The following DHCR7 variants were observed in gnomAD, a reference collection of about 807,000 sequenced individuals.
The protein encoded by DHCR7 is 7-dehydrocholesterol reductase, also known as 7-DHC reductase.
In DHCR7, 40 loss-of-function variants were observed where a neutral mutation model predicts 43.3. That is an observed-to-expected ratio of 0.92 (90% CI 0.72 to 1.20). The LOEUF (loss-of-function observed/expected upper bound fraction) is 1.20. Among genes scored for constraint, DHCR7 ranks in the 50% most tolerant of loss-of-function variants. DHCR7 has a pLI of 0.00. For missense variants in DHCR7, 608 were observed against 644.6 expected, an observed-to-expected ratio of 0.94 and a Z score of 0.62; for synonymous variants, 298 against 271.4, an observed-to-expected ratio of 1.10 and a Z score of -0.96.
At chr11:71,437,784 G>A (rs772623399) in intron 8 of DHCR7, 28 bp downstream of exon 8, 25 of 1,613,064 alleles carry the variant, frequency 1.5e-5, no homozygotes, top group South Asian at 1.1e-4. Flanking sequence ...CAAATGCCCC[G>A]CTGGGCCAGC....
At position 71,435,686 on chromosome 11, in the gene DHCR7, T is replaced by C. The variant is rs1322012743; in HGVS notation, c.1117A>G (p.Arg373Gly). The stretch of plus-strand genomic sequence containing the variant: ...GAGCACTCGATGACCTTGGGCTTCC[T>C]GCCCCAGATGAGGCAGCGCCCATCC... ...RTDGRCLIWGRKPKVIECSYT... is the reference protein window; with the variant it reads ...RTDGRCLIWGGKPKVIECSYT... Residue 373 changes from arginine (R) to glycine (G), a missense_variant, in exon 9 of 9, where the codon AGG becomes GGG. Transcript: ENST00000355527. The C allele has an allele frequency of 1.2e-6, 2 of 1,613,120 alleles. No homozygotes were observed.
chr11:71,442,382 C>G (rs367718693), intron 4 of DHCR7, 29 bp from the exon 5 acceptor site: 18 of 1,565,826 alleles, frequency 1.1e-5, no homozygotes, highest in Non-Finnish European at 1.6e-5. Context: ...CTGATCACCC[C>G]CCGCCTGGAG....
In DHCR7 at chr11:71,443,996, G is replaced by A. The variant is rs1386646132; in HGVS notation, c.318C>T (p.Phe106=). ...AAQLYTLWVT[F]QVLLYTSLPD... is the part of the protein sequence containing the mutation. The stretch of plus-strand genomic sequence containing the variant: ...CCCCAGGGCAGGGGCTGCTGACCTG[G>A]AAGGTGACCCACAAGGTATAGAGCT... The change falls in exon 4 of 9, where the codon TTC becomes TTT. Residue 106 remains phenylalanine, a synonymous_variant. Transcript: ENST00000355527. 2.3e-5 allele frequency: 37 copies of A among 1,610,758 alleles called. No homozygotes were observed. The highest frequency in any genetic ancestry group is 2.9e-5 in the Non-Finnish European group (34 of 1,178,370).
chr11:71,443,819 C>T (rs1591113117), intron 4 of DHCR7, 174 bp downstream of exon 4: 6 of 600,690 alleles, frequency 1.0e-5, no homozygotes, highest in South Asian at 4.0e-5. Context: ...TCCTGCCTTA[C>T]AGCTGAGGAT....
downstream of DHCR7, among the ~76,000 whole-genome samples, chr11:71,429,479 C>T (rs571468268): frequency 4.6e-5 from 7 of 152,220 alleles, no homozygotes; most frequent in South Asian, 2.1e-4. Context: ...CGGGGGCACC[C>T]GGTAGATGGA....
Position 71,435,291 on chromosome 11 carries a change from A to G in DHCR7, c.*84T>C. 2.1e-6 allele frequency: 3 copies of G among 1,428,036 alleles called. No homozygotes were observed. In the Admixed American group the frequency reaches 5.0e-5, roughly 24 times the overall value. 88.5% of individuals were successfully genotyped at this position (1,428,036 alleles called of 1,614,324 possible). On this transcript the variant is annotated 3_prime_UTR_variant, in exon 9 of 9. Transcript: ENST00000355527. ...CAGATGAGGAAACTGAGGCTCCTCG[A>G]GTTGGAGCTGGGATGCCAGCCCCCA... is the stretch of plus-strand genomic sequence containing the variant.
At chr11:71,444,416 T>C (rs894118578) in intron 3 of DHCR7, among the ~76,000 whole-genome samples, 2 of 152,162 alleles carry the variant, frequency 1.3e-5, no homozygotes, top group Non-Finnish European at 2.9e-5. Flanking sequence ...GATTAACTGG[T>C]GGCACTATCT....
chr11:71,444,093 T>C lies in DHCR7; in HGVS notation c.221A>G (p.Asp74Gly). The C allele has an allele frequency of 6.2e-7, 1 of 1,613,604 alleles. No homozygotes were observed. Among genetic ancestry groups the C allele is most frequent in the Non-Finnish European group, 8.5e-7 (1 of 1,179,832 alleles). Residue 74 changes from aspartate to glycine, a missense_variant, in exon 4 of 9, where the codon GAC becomes GGC. By Grantham distance (94) the Asp-to-Gly change is moderately conservative (BLOSUM62 -1). Transcript: ENST00000355527. ...GAGCCGAGCATGTCCGGTGACGATG[T>C]CCACCACAGGGCCAGTCAGGGCGCA... is the stretch of plus-strand genomic sequence containing the variant. Reference protein sequence around the residue: ...YSCALTGPVVDIVTGHARLSD... With the variant: ...YSCALTGPVVGIVTGHARLSD...
At chr11:71,443,269 A>G (rs531405133) in intron 4 of DHCR7, among the ~76,000 whole-genome samples, 28 of 152,298 alleles carry the variant, frequency 1.8e-4, no homozygotes, top group Admixed American at 1.7e-3. Context: ...TTTCACTCAA[A>G]GGGACCAAGA....
chr11:71,448,379 G>T lies in DHCR7; in HGVS notation c.-221C>A, dbSNP rs1401413099. Reference sequence around the variant, plus strand: ...CACGCCGCCTACCCTCTAGCCAGGGGTCGGAGTCACCCGCAGGGCAGGGGC... The same window carrying T: ...CACGCCGCCTACCCTCTAGCCAGGGTTCGGAGTCACCCGCAGGGCAGGGGC... On this transcript the variant is annotated 5_prime_UTR_variant, in exon 1 of 9. Coordinates refer to ENST00000355527, the MANE Select transcript of DHCR7 (RefSeq NM_001360.3). 2 of 152,632 alleles carry T rather than the reference G, an allele frequency of 1.3e-5. No individual in the cohort carries two copies. Among genetic ancestry groups the T allele is most frequent in the South Asian group, 2.0e-4 (1 of 4,962 alleles). 9.5% of individuals were successfully genotyped at this position (152,632 alleles called of 1,614,324 possible). A position where few individuals can be genotyped will look rare whatever the true frequency, so the allele number is the denominator to read the frequency against.
chr11:71,430,173 A>G (rs1290954246), downstream of DHCR7, among the ~76,000 whole-genome samples: 6 of 152,238 alleles, frequency 3.9e-5, no homozygotes, highest in Admixed American at 1.3e-4. Flanking sequence ...GTTCTCCTCA[A>G]TGAGGCCTCT....
In DHCR7 at chr11:71,435,211, A is replaced by G; in HGVS notation, c.*164T>C. Reference sequence around the variant, plus strand: ...ATTCCCTTGAAGGCAAAAGCAAGGAACAGAGCGTGATTAGGTACTGGACAC... The same window carrying G: ...ATTCCCTTGAAGGCAAAAGCAAGGAGCAGAGCGTGATTAGGTACTGGACAC... On this transcript the variant is annotated 3_prime_UTR_variant, in exon 9 of 9. Coordinates refer to ENST00000355527, the MANE Select transcript of DHCR7 (RefSeq NM_001360.3). The G allele has an allele frequency of 2.5e-6, 1 of 406,984 alleles. No individual in the cohort carries two copies. The highest frequency in any genetic ancestry group is 3.8e-6 in the Non-Finnish European group (1 of 265,774). 25.2% of individuals were successfully genotyped at this position (406,984 alleles called of 1,614,324 possible).
chr11:71,435,365 G>C lies in DHCR7; in HGVS notation c.*10C>G. The C allele has an allele frequency of 1.2e-6, 2 of 1,610,856 alleles. No homozygotes were observed. The highest frequency in any genetic ancestry group is 1.7e-5 in the Admixed American group (1 of 60,028). The stretch of plus-strand genomic sequence containing the variant: ...GACAGCCCCACAGGGCTTCTCCCTA[G>C]GGCGTGCCCTTAGAAGATTCCAGGC... On this transcript the variant is annotated 3_prime_UTR_variant, in exon 9 of 9. Coordinates refer to ENST00000355527, the MANE Select transcript of DHCR7 (RefSeq NM_001360.3).
downstream of DHCR7, among the ~76,000 whole-genome samples, chr11:71,427,940 G>A (rs1377299512): frequency 1.3e-5 from 2 of 152,084 alleles, no homozygotes; most frequent in African/African-American, 2.4e-5. Context: ...TGAACCAAAA[G>A]GCATACTATT....
At position 71,439,771 on chromosome 11, in the gene DHCR7, G is replaced by A. The variant is rs567798015; in HGVS notation, c.627-688C>T. On this transcript the variant is annotated intron_variant, in intron 6 of 8. Transcript: ENST00000355527. ...TTTCATGTCCAGTTCCCTCAGGTAG[G>A]GTAAGTAGAAAGAAGCAAAACACAC... Among the ~76,000 whole-genome samples the A allele has an allele frequency of 8.3e-4, 127 of 152,274 alleles. No individual in the cohort carries two copies. The South Asian group carries it at 9.9e-3, about 12-fold the overall frequency.
Position 71,435,327 on chromosome 11 carries a change from A to G in DHCR7, c.*48T>C. On this transcript the variant is annotated 3_prime_UTR_variant, in exon 9 of 9. Coordinates refer to ENST00000355527, the MANE Select transcript of DHCR7 (RefSeq NM_001360.3). ...GGATGCCAGCCCCCATGGACCTGGC[A>G]GAACACGCTCTTGACAGCCCCACAG... The G allele has an allele frequency of 6.3e-7, 1 of 1,594,586 alleles. No individual in the cohort carries two copies. The highest frequency in any genetic ancestry group is 8.6e-7 in the Non-Finnish European group (1 of 1,169,266).
Position 71,435,651 on chromosome 11 carries a change from G to A in DHCR7, c.1152C>T (p.Ser384=), listed in dbSNP as rs145084285. The A allele has an allele frequency of 8.7e-6, 14 of 1,612,870 alleles. No individual in the cohort carries two copies. Among genetic ancestry groups the A allele is most frequent in the Middle Eastern group, 1.6e-4 (1 of 6,062 alleles). ...TGCTGTGGTGCCTCTGCCCATCGGC[G>A]GATGTGTAGGAGCACTCGATGACCT... ...KPKVIECSYT[S]ADGQRHHSKL... Residue 384 remains serine (S), a synonymous_variant, in exon 9 of 9, where the codon TCC becomes TCT. Transcript: ENST00000355527.
At chr11:71,443,014 G>A (rs1313817848) in intron 4 of DHCR7, among the ~76,000 whole-genome samples, 6 of 152,212 alleles carry the variant, frequency 3.9e-5, no homozygotes, top group Non-Finnish European at 8.8e-5. Context: ...CTGTGGATTT[G>A]CCTGTACTGG....
At chr11:71,431,613 G>A (rs548465826), downstream of DHCR7, among the ~76,000 whole-genome samples, 3 of 152,242 alleles carry the variant, frequency 2.0e-5, no homozygotes, top group South Asian at 6.2e-4. Flanking sequence ...GGGCAGGAAG[G>A]TCTAGTTTAT....
Sources: gnomAD v4.1 joint callset for allele counts (sites outside exome capture counted in the v4.1 genomes callset) on GRCh38, gnomAD v4.1.1 for gene constraint, MANE v1.5 for transcripts, NCBI Gene and HGNC (gene_info 2026-07-23, HGNC 2026-07-21) for gene names.